The following FUT9 variants were observed in gnomAD, a reference collection of about 807,000 sequenced individuals.
The protein encoded by FUT9 is fucosyltransferase 9, also known as 4-galactosyl-N-acetylglucosaminide 3-alpha-L-fucosyltransferase 9.
In FUT9, 15 loss-of-function variants were observed where a neutral mutation model predicts 29.7. That is an observed-to-expected ratio of 0.51 (90% CI 0.34 to 0.78). FUT9 has a LOEUF of 0.78. FUT9 is among the 30% of genes least tolerant of loss of function. FUT9 has a pLI of 0.01. For synonymous variants in FUT9, 169 were observed against 153.7 expected (o/e 1.10, Z -0.74); for missense variants, 319 against 425.4 (o/e 0.75, Z 2.20).
At chr6:96,087,264 T>C (rs2127952647) in intron 1 of FUT9, among the ~76,000 whole-genome samples, 1 of 152,232 alleles carries the variant, frequency 6.6e-6, no homozygotes. Flanking sequence ...AGATTTGTGG[T>C]GTATATTTTT....
intron 1 of FUT9, among the ~76,000 whole-genome samples, chr6:96,043,075 T>C (rs1214778280): frequency 2.0e-5 from 3 of 152,168 alleles, no homozygotes; most frequent in African/African-American, 7.2e-5. Context: ...ATTCTTTTTT[T>C]TGGTCTCACT....
chr6:96,022,707 A>G lies in FUT9; in HGVS notation c.-98+6495A>G, dbSNP rs1002384928. On this transcript the variant is annotated intron_variant, in intron 1 of 2. Transcript: ENST00000302103. ...TTTCTATTTTATAAGCGAGGTTCAT[A>G]GGACCCCTTTTTACCTTTGTTCGTC... 2.0e-5 allele frequency among the ~76,000 whole-genome samples: 3 copies of G among 151,906 alleles called. No homozygotes were observed. In the East Asian group the frequency reaches 5.8e-4, roughly 29 times the overall value.
chr6:96,110,106 G>C (rs1047465001), intron 1 of FUT9, among the ~76,000 whole-genome samples: 2 of 151,972 alleles, frequency 1.3e-5, no homozygotes, highest in African/African-American at 2.4e-5. Context: ...TCCTTTTCTG[G>C]CTGCTTCTCT....
At chr6:96,165,206 C>T (rs538926509) in intron 2 of FUT9, among the ~76,000 whole-genome samples, 8 of 151,826 alleles carry the variant, frequency 5.3e-5, no homozygotes, top group East Asian at 1.9e-4. Flanking sequence ...CTGAGGCCAG[C>T]GGATCACCTG....
chr6:96,161,731 C>A (rs1772906177), intron 2 of FUT9, among the ~76,000 whole-genome samples: 1 of 152,150 alleles, frequency 6.6e-6, no homozygotes, highest in African/African-American at 2.4e-5. Context: ...ATACATTATG[C>A]AGATATTTAA....
rs1774018736 is a variant in FUT9 at position 96,215,424 on chromosome 6, T to G, written c.*11189T>G. 6.0e-6 allele frequency: 1 copy of G among 166,810 alleles called. No individual in the cohort carries two copies. The highest frequency in any genetic ancestry group is 1.5e-5 in the Non-Finnish European group (1 of 68,084). 10.3% of individuals were successfully genotyped at this position (166,810 alleles called of 1,614,324 possible). On this transcript the variant is annotated 3_prime_UTR_variant, in exon 3 of 3. Transcript: ENST00000302103. ...AGATTCCAAGGCAGAAATAAATGTA[T>G]AAAGGATTTGAGCCTGTATGTGTAA... is the stretch of plus-strand genomic sequence containing the variant.
chr6:96,175,884 A>C (rs544576459), intron 2 of FUT9, among the ~76,000 whole-genome samples: 4 of 152,328 alleles, frequency 2.6e-5, no homozygotes, highest in Non-Finnish European at 4.4e-5. Flanking sequence ...GTGTTTTCAG[A>C]AGAGACTGGC....
chr6:96,114,595 A>G (rs1232243686), intron 2 of FUT9, among the ~76,000 whole-genome samples: 1 of 151,134 alleles, frequency 6.6e-6, no homozygotes, highest in Non-Finnish European at 1.5e-5. Flanking sequence ...AATCATTCTT[A>G]CATATGAATA....
In FUT9 at chr6:96,214,430, G is replaced by A. The variant is rs1333850806; in HGVS notation, c.*10195G>A. The A allele has an allele frequency of 6.0e-6, 1 of 166,930 alleles. No homozygotes were observed. Among genetic ancestry groups the A allele is most frequent in the Non-Finnish European group, 1.5e-5 (1 of 68,042 alleles). The allele number at this position is 166,930 out of a possible 1,614,324, so 10.3% of individuals were successfully genotyped here. A position where few individuals can be genotyped will look rare whatever the true frequency, so the allele number is the denominator to read the frequency against. On this transcript the variant is annotated 3_prime_UTR_variant, in exon 3 of 3. Transcript: ENST00000302103. ...CAGTCAACCAGTGTAATCACTAGGG[G>A]AAGAAAAAGTAGGCCTACCCTTTTA...
At chr6:96,031,092 T>G (rs927214521) in intron 1 of FUT9, among the ~76,000 whole-genome samples, 2 of 151,474 alleles carry the variant, frequency 1.3e-5, no homozygotes, top group Admixed American at 1.3e-4. Context: ...CATATTTCAG[T>G]AAACCTGATT....
intron 1 of FUT9, among the ~76,000 whole-genome samples, chr6:96,100,230 AACACACACACACACAC>A (rs36064811): frequency 0.28 from 41,035 of 148,740 alleles, 6,493 homozygotes; most frequent in Middle Eastern, 0.37. Context: ...CACACACACC[AACACACACACACACAC>A]ACACACACAC....
At chr6:96,118,906 G>GA (rs1771967082) in intron 2 of FUT9, among the ~76,000 whole-genome samples, 1 of 151,840 alleles carries the variant, frequency 6.6e-6, no homozygotes, top group Admixed American at 6.6e-5. Flanking sequence ...TTAAAAATAG[G>GA]AAAAAAGCTT....
intron 1 of FUT9, among the ~76,000 whole-genome samples, chr6:96,075,218 A>G (rs985881118): frequency 1.3e-5 from 2 of 152,206 alleles, no homozygotes; most frequent in African/African-American, 4.8e-5. Flanking sequence ...CAGAAATACA[A>G]CAAAAAGTTT....
chr6:96,202,333 C>G (rs1017181434), intron 2 of FUT9, among the ~76,000 whole-genome samples: 1 of 151,688 alleles, frequency 6.6e-6, no homozygotes, highest in African/African-American at 2.4e-5. Context: ...TTTATAATAC[C>G]GATATCATCT....
At position 96,019,945 on chromosome 6, in the gene FUT9, C is replaced by T. The variant is rs191007481; in HGVS notation, c.-98+3733C>T. ...TATAAAATAAAAACATTTTCCACTT[C>T]TTTTATTTTAAGATGTTAATAAAGG... On this transcript the variant is annotated intron_variant, in intron 1 of 2. Coordinates refer to ENST00000302103, the MANE Select transcript of FUT9 (RefSeq NM_006581.4). Among the ~76,000 whole-genome samples the T allele has an allele frequency of 4.6e-5, 7 of 152,174 alleles. No individual in the cohort carries two copies. The East Asian group carries it at 1.4e-3, about 29-fold the overall frequency.
intron 2 of FUT9, among the ~76,000 whole-genome samples, chr6:96,168,261 A>G (rs1773050099): frequency 6.6e-6 from 1 of 152,208 alleles, no homozygotes; most frequent in Non-Finnish European, 1.5e-5. Flanking sequence ...ATATGAGTCT[A>G]GAGTTCAGGA....
intron 2 of FUT9, among the ~76,000 whole-genome samples, chr6:96,124,139 T>C (rs1163569684): frequency 6.8e-6 from 1 of 146,974 alleles, no homozygotes; most frequent in Non-Finnish European, 1.5e-5. Flanking sequence ...GCTGCTTTTC[T>C]TTTTTTCTTT....
intron 2 of FUT9, among the ~76,000 whole-genome samples, chr6:96,123,681 C>G (rs1285744222): frequency 6.6e-6 from 1 of 152,178 alleles, no homozygotes; most frequent in African/African-American, 2.4e-5. Context: ...GTTTCTGGAA[C>G]TGTCATTGAT....
intron 1 of FUT9, among the ~76,000 whole-genome samples, chr6:96,024,953 T>C (rs538530136): frequency 4.9e-4 from 75 of 151,816 alleles, no homozygotes; most frequent in Non-Finnish European, 8.0e-4. Context: ...AAACCTTTGA[T>C]AGATTTTCTC....
Sources: gnomAD v4.1 joint callset for allele counts (sites outside exome capture counted in the v4.1 genomes callset) on GRCh38, gnomAD v4.1.1 for gene constraint, MANE v1.5 for transcripts, NCBI Gene and HGNC (gene_info 2026-07-23, HGNC 2026-07-21) for gene names.